SMIM45: variants seen among roughly 807,000 people sequenced by gnomAD.
The protein encoded by SMIM45 is long intergenic non-protein coding RNA 634.
chr22:41,956,818 T>C, the SMIM45 span, among the ~76,000 whole-genome samples: 1 of 152,228 alleles, frequency 6.6e-6, no homozygotes, highest in African/African-American at 2.4e-5. Context: ...CATGGTTAAG[T>C]CGCTCTGTTG....
chr22:41,955,821 A>AG, the SMIM45 span, among the ~76,000 whole-genome samples: 1 of 151,522 alleles, frequency 6.6e-6, no homozygotes, highest in Non-Finnish European at 1.5e-5. Flanking sequence ...AAAAAAAAAA[A>AG]AAAATTCAAA....
the SMIM45 span, among the ~76,000 whole-genome samples, chr22:41,948,327 A>G: frequency 6.6e-6 from 1 of 152,122 alleles, no homozygotes; most frequent in Non-Finnish European, 1.5e-5. Flanking sequence ...CCCAGACCCA[A>G]TGCCCTACCC....
At chr22:41,950,016 T>C in the SMIM45 span, among the ~76,000 whole-genome samples, 3 of 141,098 alleles carry the variant, frequency 2.1e-5, no homozygotes, top group Non-Finnish European at 4.4e-5. Flanking sequence ...CCTGGGGAGA[T>C]GACTTGGGGT....
the SMIM45 span, among the ~76,000 whole-genome samples, chr22:41,947,637 G>A: frequency 6.7e-6 from 1 of 149,668 alleles, no homozygotes; most frequent in Non-Finnish European, 1.5e-5. Context: ...AGTGAGTGCT[G>A]AGATTACAGA....
the SMIM45 span, chr22:41,958,120 C>T: frequency 2.9e-6 from 1 of 339,794 alleles, no homozygotes; most frequent in South Asian, 2.2e-5. Context: ...GTCAAGCCGA[C>T]TCACCCAGAG....
At chr22:41,958,506 G>GAGAGAC in the SMIM45 span, 1 of 400,020 alleles carries the variant, frequency 2.5e-6, no homozygotes, top group African/African-American at 2.1e-5. Context: ...GAGAGAGAGA[G>GAGAGAC]AGTCTGGGGG....
At chr22:41,958,483 G>GGAGAGAGAGAGAGA in the SMIM45 span, 176 of 356,034 alleles carry the variant, frequency 4.9e-4, 2 homozygotes, top group Middle Eastern at 5.1e-3. Context: ...GGGTTGGTGA[G>GGAGAGAGAGAGAGA]GAGAGAGAGA....
At chr22:41,952,504 T>C in the SMIM45 span, 1 of 152,300 alleles carries the variant, frequency 6.6e-6, no homozygotes, top group African/African-American at 2.4e-5. Flanking sequence ...ACTCACACTG[T>C]CTCAGGCAGC....
chr22:41,950,329 C>A, the SMIM45 span, among the ~76,000 whole-genome samples: 3 of 152,142 alleles, frequency 2.0e-5, no homozygotes. Flanking sequence ...CCTGAACATA[C>A]CTTCACCCCA....
chr22:41,950,399 A>C, the SMIM45 span, among the ~76,000 whole-genome samples: 1 of 152,106 alleles, frequency 6.6e-6, no homozygotes, highest in Non-Finnish European at 1.5e-5. Context: ...TCCCACCCCA[A>C]AATGTTAAAA....
chr22:41,958,450 G>A, the SMIM45 span: 1 of 450,884 alleles, frequency 2.2e-6, no homozygotes, highest in Non-Finnish European at 4.5e-6. Flanking sequence ...GTATGCAGAG[G>A]GATAAGACCG....
chr22:41,954,953 G>A, the SMIM45 span, among the ~76,000 whole-genome samples: 2 of 152,088 alleles, frequency 1.3e-5, no homozygotes, highest in Non-Finnish European at 2.9e-5. Context: ...GCGGTGAGCC[G>A]AGATCATGCC....
the SMIM45 span, among the ~76,000 whole-genome samples, chr22:41,955,086 C>G: frequency 2.0e-5 from 3 of 152,188 alleles, no homozygotes; most frequent in East Asian, 5.8e-4. Flanking sequence ...ACTTTCCTGC[C>G]TTCTCCGCCT....
At chr22:41,947,513 G>A in the SMIM45 span, among the ~76,000 whole-genome samples, 1 of 151,810 alleles carries the variant, frequency 6.6e-6, no homozygotes, top group Non-Finnish European at 1.5e-5. Flanking sequence ...GACTACGGGC[G>A]CGCGTCACCA....
chr22:41,954,834 C>T, the SMIM45 span, among the ~76,000 whole-genome samples: 8 of 151,932 alleles, frequency 5.3e-5, no homozygotes, highest in East Asian at 2.0e-4. Flanking sequence ...GGCAAAACCC[C>T]GTCTCTACTA....
chr22:41,947,163 G>C, the SMIM45 span: 1 of 1,306,434 alleles, frequency 7.7e-7, no homozygotes, highest in Non-Finnish European at 1.1e-6. Context: ...GCGGCCTGGG[G>C]GCACGTGCCT....
the SMIM45 span, among the ~76,000 whole-genome samples, chr22:41,957,422 T>C: frequency 2.6e-5 from 4 of 151,168 alleles, no homozygotes; most frequent in Non-Finnish European, 4.4e-5. Flanking sequence ...CAGGATGGTC[T>C]TGATCTCCTG....
At chr22:41,956,132 C>G in the SMIM45 span, among the ~76,000 whole-genome samples, 1 of 151,922 alleles carries the variant, frequency 6.6e-6, no homozygotes, top group East Asian at 1.9e-4. Flanking sequence ...ACCTCAGCCT[C>G]CCGGGTAACT....
chr22:41,951,889 G>C, the SMIM45 span, among the ~76,000 whole-genome samples: 2 of 152,112 alleles, frequency 1.3e-5, no homozygotes, highest in African/African-American at 4.8e-5. Context: ...TCAAACCTTA[G>C]AGTTATCAGC....
Sources: gnomAD v4.1 joint callset for allele counts (sites outside exome capture counted in the v4.1 genomes callset) on GRCh38, gnomAD v4.1.1 for gene constraint, MANE v1.5 for transcripts, NCBI Gene and HGNC (gene_info 2026-07-23, HGNC 2026-07-21) for gene names.